Variants in UNC13C observed in about 807,000 individuals in gnomAD.
UNC13C encodes unc-13 homolog C.
UNC13C carries 174 observed loss-of-function variants against 245.4 expected under a neutral mutation model. That is an observed-to-expected ratio of 0.71 (90% CI 0.63 to 0.80). The LOEUF (loss-of-function observed/expected upper bound fraction) is 0.80. Ranked by LOEUF, UNC13C falls within the 30% of genes least tolerant of loss-of-function variation. The probability of loss-of-function intolerance (pLI) is 0.00; values close to 1 mark genes in which losing one functional copy is unlikely to be tolerated. For synonymous variants in UNC13C, 992 were observed against 895.1 expected (o/e 1.11, Z -1.93); for missense variants, 2,829 against 2,602.9 (o/e 1.09, Z -1.89).
At chr15:54,007,358 C>T (rs1895185436) in intron 1 of UNC13C, among the ~76,000 whole-genome samples, 1 of 152,078 alleles carries the variant, frequency 6.6e-6, no homozygotes, top group African/African-American at 2.4e-5. Flanking sequence ...ATGGAATCAA[C>T]CCAAATGCCC....
In UNC13C at chr15:54,190,333, G is replaced by A. The variant is rs546232091; in HGVS notation, c.3072-44697G>A. Among the ~76,000 whole-genome samples, 9 of 152,024 alleles carry A rather than the reference G, an allele frequency of 5.9e-5. No individual in the cohort carries two copies. The East Asian group carries it at 1.7e-3, about 29-fold the overall frequency. On this transcript the variant is annotated intron_variant, in intron 4 of 32. Transcript: ENST00000260323. ...CCTTTGGACAATAAAAATTCAAAAAGCAAAAAGACTACATAGCAATAAGCA... is the reference window on the plus strand; with the variant it reads ...CCTTTGGACAATAAAAATTCAAAAAACAAAAAGACTACATAGCAATAAGCA...
chr15:54,552,449 A>C (rs1334075392), intron 28 of UNC13C, among the ~76,000 whole-genome samples: 1 of 2,494 alleles, frequency 4.0e-4, no homozygotes, highest in Non-Finnish European at 5.6e-4. Flanking sequence ...ATTACAATAT[A>C]TAATATAATT....
At chr15:54,463,711 G>A (rs150666405) in intron 19 of UNC13C, among the ~76,000 whole-genome samples, 38 of 152,232 alleles carry the variant, frequency 2.5e-4, no homozygotes, top group African/African-American at 8.4e-4. Context: ...CACTGGGAGG[G>A]TCCGCAGCTT....
At chr15:53,901,221 T>C in the UNC13C span, among the ~76,000 whole-genome samples, 1 of 104,762 alleles carries the variant, frequency 9.5e-6, no homozygotes, top group Non-Finnish European at 2.2e-5. Flanking sequence ...TAGATTTCTT[T>C]TTTTTTTTTT....
intron 30 of UNC13C, chr15:54,611,346 A>C (rs1900082014): frequency 6.6e-6 from 1 of 152,190 alleles, no homozygotes; most frequent in African/African-American, 2.4e-5. Flanking sequence ...AACAGGATGC[A>C]ATTGGTTAAC....
intron 19 of UNC13C, among the ~76,000 whole-genome samples, chr15:54,422,975 A>ACACG (rs1172016186): frequency 3.5e-5 from 5 of 141,386 alleles, no homozygotes; most frequent in Non-Finnish European, 7.7e-5. Context: ...ACACACACAC[A>ACACG]CACACACAAC....
At chr15:54,479,534 A>C (rs984145237) in intron 19 of UNC13C, among the ~76,000 whole-genome samples, 3 of 152,094 alleles carry the variant, frequency 2.0e-5, no homozygotes, top group Admixed American at 6.6e-5. Context: ...ACCTGTTTAC[A>C]TCTTTTAATC....
At chr15:53,862,473 T>C in the UNC13C span, among the ~76,000 whole-genome samples, 7 of 152,204 alleles carry the variant, frequency 4.6e-5, no homozygotes, top group African/African-American at 1.7e-4. Context: ...TCTTGGAAAG[T>C]TTCTTAAGTG....
intron 18 of UNC13C, among the ~76,000 whole-genome samples, chr15:54,405,549 A>C (rs544060046): frequency 2.0e-5 from 3 of 152,284 alleles, no homozygotes; most frequent in Non-Finnish European, 4.4e-5. Flanking sequence ...TTAGTGTCAA[A>C]GTGAGATTAC....
the UNC13C span, among the ~76,000 whole-genome samples, chr15:53,863,595 T>C: frequency 6.6e-6 from 1 of 152,180 alleles, no homozygotes; most frequent in Non-Finnish European, 1.5e-5. Flanking sequence ...ATCAGAGATT[T>C]GTGCAATCAT....
At chr15:53,876,062 C>T in the UNC13C span, among the ~76,000 whole-genome samples, 2 of 152,180 alleles carry the variant, frequency 1.3e-5, no homozygotes, top group Admixed American at 6.5e-5. Flanking sequence ...ATTTTTTATG[C>T]TAAATACTCT....
At chr15:54,625,378 C>T (rs186554901) in intron 32 of UNC13C, among the ~76,000 whole-genome samples, 13 of 152,168 alleles carry the variant, frequency 8.5e-5, no homozygotes, top group Admixed American at 6.6e-4. Flanking sequence ...GGAAACTGGG[C>T]GATACCTGGC....
At position 54,546,725 on chromosome 15, in the gene UNC13C, A is replaced by G; in HGVS notation, c.5700A>G (p.Leu1900=). The G allele has an allele frequency of 6.7e-7, 1 of 1,490,956 alleles. No homozygotes were observed. The highest frequency in any genetic ancestry group is 8.9e-7 in the Non-Finnish European group (1 of 1,119,152). The allele number at this position is 1,490,956 out of a possible 1,614,324, so 92.4% of individuals were successfully genotyped here. A position where few individuals can be genotyped will look rare whatever the true frequency, so the allele number is the denominator to read the frequency against. ...RSLMDFLDKT[L]SLSAKICEKT... is the part of the protein sequence containing the mutation. ...TATATATATATTTTTTTTTCAGATT[A>G]AGTCTCTCAGCAAAAATCTGTGAGA... The change falls in exon 27 of 33, where the codon TTA becomes TTG. Residue 1900 remains leucine, a synonymous_variant. Coordinates refer to ENST00000260323, the MANE Select transcript of UNC13C (RefSeq NM_001080534.3).
the UNC13C span, among the ~76,000 whole-genome samples, chr15:53,852,633 C>G: frequency 6.6e-6 from 1 of 152,160 alleles, no homozygotes; most frequent in Non-Finnish European, 1.5e-5. Flanking sequence ...CCCCTTGCCC[C>G]ATGCTGCTGT....
intron 17 of UNC13C, among the ~76,000 whole-genome samples, chr15:54,389,252 C>T (rs1260592974): frequency 1.3e-5 from 2 of 152,226 alleles, no homozygotes; most frequent in Admixed American, 6.5e-5. Context: ...ATTTAAGAAA[C>T]TAATGCTTTA....
At chr15:53,997,999 C>A (rs570763549) in intron 1 of UNC13C, among the ~76,000 whole-genome samples, 4 of 151,896 alleles carry the variant, frequency 2.6e-5, no homozygotes, top group Non-Finnish European at 5.9e-5. Flanking sequence ...GACAAGGTTT[C>A]GTCATGTTGC....
Position 54,083,804 on chromosome 15 carries a change from G to T in UNC13C, c.2984-59214G>T, listed in dbSNP as rs571090358. ...TCTGAGGGGATTATAAGGTATGTTT[G>T]CTGGGGATCTGCTGGTGCATCGTCT... is the stretch of plus-strand genomic sequence containing the variant. On this transcript the variant is annotated intron_variant, in intron 2 of 32. Coordinates refer to ENST00000260323, the MANE Select transcript of UNC13C (RefSeq NM_001080534.3). Among the ~76,000 whole-genome samples, 142 of 152,294 alleles carry T rather than the reference G, an allele frequency of 9.3e-4. 1 individual carries two copies. The highest frequency in any genetic ancestry group is 3.2e-3 in the African/African-American group (134 of 41,564).
intron 4 of UNC13C, among the ~76,000 whole-genome samples, chr15:54,234,382 C>T (rs2035633325): frequency 6.6e-6 from 1 of 152,090 alleles, no homozygotes; most frequent in South Asian, 2.1e-4. Flanking sequence ...CCCATTGATT[C>T]ATTTAATCAA....
At chr15:54,088,011 T>G (rs182799699) in intron 2 of UNC13C, among the ~76,000 whole-genome samples, 1 of 152,126 alleles carries the variant, frequency 6.6e-6, no homozygotes, top group African/African-American at 2.4e-5. Context: ...TCTGTTCTTA[T>G]TGAAATGCCT....
Sources: allele counts gnomAD v4.1 joint callset (sites outside exome capture counted in the v4.1 genomes callset), GRCh38; gene constraint gnomAD v4.1.1; transcripts MANE v1.5; gene names NCBI Gene and HGNC (gene_info 2026-07-23, HGNC 2026-07-21).